Variants in RBMS3 observed in about 807,000 individuals in gnomAD.
RBMS3 encodes the protein RNA-binding motif, single-stranded-interacting protein 3.
RBMS3 carries 27 observed loss-of-function variants against 66.8 expected under a neutral mutation model. The observed-to-expected ratio is 0.40, with a 90% CI of 0.30 to 0.56. The LOEUF (loss-of-function observed/expected upper bound fraction) is 0.56, where lower values mean the gene tolerates loss of function less well. Ranked by LOEUF, RBMS3 falls within the 20% of genes least tolerant of loss-of-function variation. The pLI is 0.40. For synonymous variants in RBMS3, 188 were observed against 183.0 expected (o/e 1.03, Z -0.22); for missense variants, 513 against 549.5 (o/e 0.93, Z 0.66).
chr3:29,632,032 C>A (rs12487854), intron 4 of RBMS3, among the ~76,000 whole-genome samples: 14,159 of 151,832 alleles, frequency 0.093, 1,169 homozygotes, highest in East Asian at 0.35. Flanking sequence ...AATGAATGAC[C>A]GTTAGATTAG....
intron 12 of RBMS3, among the ~76,000 whole-genome samples, chr3:29,974,120 C>T (rs1697401368): frequency 6.6e-6 from 1 of 151,848 alleles, no homozygotes; most frequent in Admixed American, 6.6e-5. Context: ...CGGTCTTTAC[C>T]TTGATTTTGT....
At chr3:29,540,865 T>C (rs2045728963) in intron 3 of RBMS3, among the ~76,000 whole-genome samples, 1 of 152,202 alleles carries the variant, frequency 6.6e-6, no homozygotes, top group Admixed American at 6.5e-5. Flanking sequence ...GTGATGCAGC[T>C]TTGGGCTCAT....
chr3:29,560,388 A>G (rs892633168), intron 3 of RBMS3, among the ~76,000 whole-genome samples: 1 of 152,230 alleles, frequency 6.6e-6, no homozygotes, highest in Non-Finnish European at 1.5e-5. Context: ...CAAATATTTT[A>G]AAAGTATGGA....
At chr3:29,388,725 C>T (rs1353963634) in intron 1 of RBMS3, among the ~76,000 whole-genome samples, 1 of 152,144 alleles carries the variant, frequency 6.6e-6, no homozygotes, top group Non-Finnish European at 1.5e-5. Flanking sequence ...GCCACTATGC[C>T]CAGCTAATTT....
chr3:29,532,776 T>TA (rs898073579), intron 3 of RBMS3, among the ~76,000 whole-genome samples: 1 of 152,052 alleles, frequency 6.6e-6, no homozygotes, highest in African/African-American at 2.4e-5. Context: ...TTTAAGAAGT[T>TA]AAAAAATCAT....
At chr3:29,555,887 G>GC (rs35143728) in intron 3 of RBMS3, among the ~76,000 whole-genome samples, 83,058 of 151,938 alleles carry the variant, frequency 0.55, 23,475 homozygotes, top group African/African-American at 0.67. Flanking sequence ...TATTTCAAAA[G>GC]CTTTTTCAGA....
intron 12 of RBMS3, among the ~76,000 whole-genome samples, chr3:29,974,331 C>T (rs183677164): frequency 1.3e-5 from 2 of 151,992 alleles, no homozygotes; most frequent in Admixed American, 6.6e-5. Context: ...TACAAATCTC[C>T]CAATCTTTTC....
intron 3 of RBMS3, among the ~76,000 whole-genome samples, chr3:29,541,771 C>A (rs1190562383): frequency 6.6e-6 from 1 of 152,106 alleles, no homozygotes; most frequent in Non-Finnish European, 1.5e-5. Flanking sequence ...TCTTCTGTCC[C>A]CCACCTCCTC....
intron 7 of RBMS3, chr3:29,880,733 A>ATGCATATGACCTGACAC: frequency 6.6e-7 from 1 of 1,509,916 alleles, no homozygotes; most frequent in Non-Finnish European, 8.9e-7. Context: ...AATGTTCCAA[A>ATGCATATGACCTGACAC]TGCATATGAC....
chr3:29,425,399 G>T (rs769125997), intron 1 of RBMS3, among the ~76,000 whole-genome samples: 1 of 150,778 alleles, frequency 6.6e-6, no homozygotes, highest in Admixed American at 6.6e-5. Context: ...AATTTTAATT[G>T]TTGGCAATAT....
chr3:29,483,002 A>T (rs2043191777), intron 2 of RBMS3, among the ~76,000 whole-genome samples: 1 of 151,524 alleles, frequency 6.6e-6, no homozygotes, highest in Non-Finnish European at 1.5e-5. Context: ...CGCCGCCCCC[A>T]GCCTACCATT....
chr3:29,643,332 T>C (rs543949952), intron 4 of RBMS3, among the ~76,000 whole-genome samples: 1 of 152,162 alleles, frequency 6.6e-6, no homozygotes, highest in South Asian at 2.1e-4. Flanking sequence ...ATGGGGAGCT[T>C]TTAGGAACAA....
intron 1 of RBMS3, among the ~76,000 whole-genome samples, chr3:29,431,467 AT>A (rs1243300983): frequency 6.6e-6 from 1 of 151,168 alleles, no homozygotes; most frequent in Non-Finnish European, 1.5e-5. Context: ...TAATTTTTGT[AT>A]TTTTAGTAGA....
intron 1 of RBMS3, among the ~76,000 whole-genome samples, chr3:29,363,437 G>A (rs13318780): frequency 2.0e-5 from 3 of 152,012 alleles, no homozygotes; most frequent in Non-Finnish European, 4.4e-5. Context: ...GATGATGAAG[G>A]CTTCACTAAG....
chr3:29,489,091 A>T (rs2043430615), intron 3 of RBMS3, among the ~76,000 whole-genome samples: 1 of 152,170 alleles, frequency 6.6e-6, no homozygotes, highest in African/African-American at 2.4e-5. Context: ...TAAAATTTGC[A>T]TTAGATTAAT....
chr3:29,734,588 G>T (rs2054296357), intron 4 of RBMS3, among the ~76,000 whole-genome samples: 2 of 152,012 alleles, frequency 1.3e-5, no homozygotes, highest in South Asian at 4.1e-4. Flanking sequence ...AAGTAAGCAA[G>T]AACTAATCAC....
chr3:29,337,448 A>G (rs139462991), intron 1 of RBMS3, among the ~76,000 whole-genome samples: 2 of 152,096 alleles, frequency 1.3e-5, no homozygotes, highest in Admixed American at 6.6e-5. Context: ...CGACTAGCCT[A>G]GACAACATAA....
At chr3:29,832,859 T>C (rs1359603263) in intron 6 of RBMS3, among the ~76,000 whole-genome samples, 1 of 152,132 alleles carries the variant, frequency 6.6e-6, no homozygotes, top group East Asian at 1.9e-4. Context: ...AAGTGTGCCA[T>C]GCACCTCAAG....
intron 2 of RBMS3, among the ~76,000 whole-genome samples, chr3:29,473,472 G>A (rs2042822309): frequency 6.6e-6 from 1 of 152,240 alleles, no homozygotes; most frequent in Non-Finnish European, 1.5e-5. Context: ...GGCCGCAGGT[G>A]GAGCTGCCTG....
Sources: allele counts gnomAD v4.1 joint callset (sites outside exome capture counted in the v4.1 genomes callset), GRCh38; gene constraint gnomAD v4.1.1; transcripts MANE v1.5; gene names NCBI Gene and HGNC (gene_info 2026-07-23, HGNC 2026-07-21).